Variants in TAF6L observed in about 807,000 individuals in gnomAD.
TAF6L encodes the protein TAF6-like RNA polymerase II p300/CBP-associated factor-associated factor 65 kDa subunit 6L.
A neutral mutation model predicts 57.3 loss-of-function variants in TAF6L; 34 were observed. The ratio of observed to expected loss-of-function variants is 0.59; its 90% CI spans 0.45 to 0.79. The LOEUF (loss-of-function observed/expected upper bound fraction) is 0.79. TAF6L is among the 30% of genes least tolerant of loss of function. TAF6L has a pLI of 0.00. For missense variants in TAF6L, 782 were observed against 853.2 expected (o/e 0.92, Z 1.04); for synonymous variants, 417 against 376.3 (o/e 1.11, Z -1.25).
At position 62,771,458 on chromosome 11, in the gene TAF6L, C is replaced by G. The variant is rs762578922; in HGVS notation, c.-46C>G. 1 of 157,252 alleles carries G rather than the reference C, an allele frequency of 6.4e-6. No homozygotes were observed. Among genetic ancestry groups the G allele is most frequent in the Non-Finnish European group, 1.4e-5 (1 of 71,354 alleles). The allele number at this position is 157,252 out of a possible 1,614,324, so 9.7% of individuals were successfully genotyped here. ...GCCACCGCCCCCGCCGCCGTCGTCT[C>G]GGTAGCAGCCTTCGCCACGCCGGGG... On this transcript the variant is annotated 5_prime_UTR_variant, in exon 1 of 11. Transcript: ENST00000294168.
At chr11:62,776,561 C>T in intron 3 of TAF6L, 91 bp downstream of exon 3, 1 of 1,301,728 alleles carries the variant, frequency 7.7e-7, no homozygotes, top group Non-Finnish European at 1.1e-6. Flanking sequence ...GACATTAAGA[C>T]CAAACGCTGC....
At position 62,787,205 on chromosome 11, in the gene TAF6L, G is replaced by T; in HGVS notation, c.1778G>T (p.Arg593Leu). The change falls in exon 11 of 11, where the codon CGC becomes CTC. Residue 593 changes from arginine (R) to leucine (L), a missense_variant. Physicochemically the swap from Arg to Leu is moderately radical, Grantham distance 102. This residue lies in a region of TAF6L where 483 missense variants were observed against 445.1 expected (regional missense o/e 1.09). Coordinates refer to ENST00000294168, the MANE Select transcript of TAF6L (RefSeq NM_006473.4). ...CCGTACGGGCCTAGCCCGGCCTCGC[G>T]CTACGTGCAGAAACTGCCCATGATC... ...PAPYGPSPAS[R>L]YVQKLPMIGR... The T allele has an allele frequency of 6.3e-7, 1 of 1,588,522 alleles. No homozygotes were observed. The highest frequency in any genetic ancestry group is 8.5e-7 in the Non-Finnish European group (1 of 1,176,012).
At chr11:62,778,685 G>C in intron 5 of TAF6L, 184 bp from the exon 6 acceptor site, 1 of 627,760 alleles carries the variant, frequency 1.6e-6, no homozygotes, top group Non-Finnish European at 2.8e-6. Flanking sequence ...AGAGCACAGA[G>C]GTGTGCAGAG....
At chr11:62,774,446 G>A (rs779774028) in intron 1 of TAF6L, 2 of 388,494 alleles carry the variant, frequency 5.1e-6, no homozygotes, top group Admixed American at 2.9e-5. Flanking sequence ...CCACATAGCT[G>A]TCCATTGGAT....
intron 5 of TAF6L, 86 bp downstream of exon 5, chr11:62,778,421 C>T (rs915951792): frequency 2.0e-5 from 30 of 1,489,794 alleles, no homozygotes; most frequent in Admixed American, 7.0e-5. Context: ...CCCGAGTCTG[C>T]GTCTAACATG....
At chr11:62,786,161 C>A in intron 9 of TAF6L, 99 bp from the exon 10 acceptor site, 1 of 1,463,584 alleles carries the variant, frequency 6.8e-7, no homozygotes, top group Non-Finnish European at 9.3e-7. Flanking sequence ...TGAGCCCTGT[C>A]TAGGATCAGA....
chr11:62,787,181 C>G lies in TAF6L; in HGVS notation c.1754C>G (p.Pro585Arg). 2 of 1,586,926 alleles carry G rather than the reference C, an allele frequency of 1.3e-6. No individual in the cohort carries two copies. The highest frequency in any genetic ancestry group is 1.7e-6 in the Non-Finnish European group (2 of 1,175,572). Residue 585 changes from proline (P) to arginine (R), a missense_variant, in exon 11 of 11, where the codon CCG becomes CGG. Transcript: ENST00000294168. ...GRLFQTAFPA[P>R]YGPSPASRYV... ...CTTTTCCAGACTGCCTTCCCCGCGC[C>G]GTACGGGCCTAGCCCGGCCTCGCGC...
Position 62,786,951 on chromosome 11 carries a change from C to A in TAF6L, c.1524C>A (p.Gly508=). 1 of 1,452,190 alleles carries A rather than the reference C, an allele frequency of 6.9e-7. No individual in the cohort carries two copies. The allele number at this position is 1,452,190 out of a possible 1,614,324, so 90.0% of individuals were successfully genotyped here. A position where few individuals can be genotyped will look rare whatever the true frequency, so the allele number is the denominator to read the frequency against. The change falls in exon 11 of 11, where the codon GGC becomes GGA. Residue 508 remains glycine (G), a synonymous_variant. Transcript: ENST00000294168. ...GDESPRGSGG[G]GPASASGPAA... ...AGAGCCCCCGGGGCAGCGGCGGAGG[C>A]GGCCCCGCGTCGGCCTCTGGGCCCG...
At chr11:62,778,169 G>A (rs374631781) in intron 4 of TAF6L, 41 bp downstream of exon 4, 7 of 1,613,948 alleles carry the variant, frequency 4.3e-6, no homozygotes, top group Non-Finnish European at 5.9e-6. Flanking sequence ...ATGGGAGTTG[G>A]GCCGTGAAGA....
At chr11:62,785,671 A>C (rs1215409654) in intron 9 of TAF6L, among the ~76,000 whole-genome samples, 3 of 151,592 alleles carry the variant, frequency 2.0e-5, no homozygotes, top group Non-Finnish European at 4.4e-5. Flanking sequence ...AGTAGTTGAG[A>C]TTACAGGCAA....
At position 62,781,470 on chromosome 11, in the gene TAF6L, G is replaced by A. The variant is rs1438250620; in HGVS notation, c.532-424G>A. Among the ~76,000 whole-genome samples the A allele has an allele frequency of 6.6e-5, 10 of 152,022 alleles. No individual in the cohort carries two copies. In the East Asian group the frequency reaches 1.7e-3, roughly 27 times the overall value. On this transcript the variant is annotated intron_variant, in intron 6 of 10. Transcript: ENST00000294168. ...GGGCAGATCACGAGGTCAGGAGATCGCGACCATCCTGGCTAACACGGTGAA... is the reference window on the plus strand; with the variant it reads ...GGGCAGATCACGAGGTCAGGAGATCACGACCATCCTGGCTAACACGGTGAA...
rs1590934973 is a variant in TAF6L at position 62,779,777 on chromosome 11, C to T, written c.531+814C>T. 4.6e-5 allele frequency among the ~76,000 whole-genome samples: 7 copies of T among 151,098 alleles called. No individual in the cohort carries two copies. In the East Asian group the frequency reaches 1.4e-3, roughly 30 times the overall value. ...ACCTCTTGGGTTCAAGCAATTCTCC[C>T]ACCTCAGCTTCCCAAGTAGCTGGGA... On this transcript the variant is annotated intron_variant, in intron 6 of 10. Coordinates refer to ENST00000294168, the MANE Select transcript of TAF6L (RefSeq NM_006473.4).
intron 9 of TAF6L, among the ~76,000 whole-genome samples, chr11:62,785,262 G>A (rs2084261862): frequency 6.6e-6 from 1 of 151,896 alleles, no homozygotes; most frequent in African/African-American, 2.4e-5. Context: ...CGCGACCTCG[G>A]CTCACTGCAA....
intron 1 of TAF6L, among the ~76,000 whole-genome samples, chr11:62,772,898 G>C (rs1218925149): frequency 2.0e-5 from 3 of 149,604 alleles, no homozygotes; most frequent in African/African-American, 7.4e-5. Flanking sequence ...TTTTTTTTGA[G>C]ACTGAGTTTA....
chr11:62,786,183 G>T, intron 9 of TAF6L, 77 bp from the exon 10 acceptor site: 2 of 1,532,772 alleles, frequency 1.3e-6, no homozygotes, highest in South Asian at 1.2e-5. Context: ...ATAAAGGTAG[G>T]TCTTTCATGG....
chr11:62,772,472 G>A (rs2084155717), intron 1 of TAF6L, among the ~76,000 whole-genome samples: 1 of 150,750 alleles, frequency 6.6e-6, no homozygotes, highest in African/African-American at 2.4e-5. Context: ...GTAGTGAGCC[G>A]AGATCACGCC....
chr11:62,777,209 C>A (rs563647739), intron 3 of TAF6L, among the ~76,000 whole-genome samples: 18 of 151,938 alleles, frequency 1.2e-4, no homozygotes, highest in African/African-American at 4.1e-4. Context: ...CACCTGTAAT[C>A]CCAACTACCT....
chr11:62,777,702 T>A (rs764564020), intron 3 of TAF6L, among the ~76,000 whole-genome samples: 94 of 152,160 alleles, frequency 6.2e-4, no homozygotes, highest in Non-Finnish European at 1.1e-3. Context: ...GTTGAGTGAG[T>A]GTGAATAAGG....
chr11:62,772,203 C>T (rs1311703235), intron 1 of TAF6L: 3 of 454,356 alleles, frequency 6.6e-6, no homozygotes, highest in Non-Finnish European at 1.3e-5. Flanking sequence ...ATATAAAGCA[C>T]TTAGCTGTGT....
Sources: gnomAD v4.1 joint callset for allele counts (sites outside exome capture counted in the v4.1 genomes callset) on GRCh38, gnomAD v4.1.1 for gene constraint, gnomAD v4.1.1 regional missense constraint, MANE v1.5 for transcripts, NCBI Gene and HGNC (gene_info 2026-07-23, HGNC 2026-07-21) for gene names.